Variants in DZIP1 observed in about 807,000 individuals in gnomAD.
DZIP1 encodes the protein DAZ interacting zinc finger protein 1, also known as cilium assembly protein DZIP1.
DZIP1 carries 97 observed loss-of-function variants against 107.6 expected under a neutral mutation model. That is an observed-to-expected ratio of 0.90 (90% CI 0.77 to 1.07). The LOEUF is 1.07. DZIP1 is among the 50% of genes least tolerant of loss of function. The pLI, the probability that DZIP1 is intolerant of heterozygous loss-of-function variation, is 0.00. For missense variants in DZIP1, 1,035 were observed against 1,063.6 expected (o/e 0.97, Z 0.37); for synonymous variants, 390 against 386.4 (o/e 1.01, Z -0.11).
chr13:95,609,644 G>A (rs932203312), intron 12 of DZIP1, 131 bp from the exon 13 acceptor site: 3 of 485,292 alleles, frequency 6.2e-6, no homozygotes, highest in African/African-American at 4.0e-5. Context: ...ACATCACCAG[G>A]AGAATAAATA....
At chr13:95,609,785 A>G (rs1267792055) in intron 12 of DZIP1, among the ~76,000 whole-genome samples, 1 of 152,168 alleles carries the variant, frequency 6.6e-6, no homozygotes, top group Non-Finnish European at 1.5e-5. Flanking sequence ...GAGGAGTTAA[A>G]GGGAACAACA....
rs145259138 is a variant in DZIP1, at chr13:95,589,842, C to T, written c.1934G>A (p.Arg645Lys). Residue 645 changes from arginine to lysine, a missense_variant, in exon 18 of 23, where the codon AGA becomes AAA. Physicochemically the swap from Arg to Lys is conservative, Grantham distance 26 (BLOSUM62 2). Transcript: ENST00000376829. ...CCTATCAGTAGAAACAGCTTTTTGT[C>T]TAATCAGTTGTCTGTTTTTGGAAGG... is the stretch of plus-strand genomic sequence containing the variant. ...QLPSKNRQLI[R>K]QKAVSTDRTS... 1 of 1,613,998 alleles carries T rather than the reference C, an allele frequency of 6.2e-7. No individual in the cohort carries two copies. The highest frequency in any genetic ancestry group is 1.3e-5 in the African/African-American group (1 of 75,032).
chr13:95,643,850 C>T (rs1396882664), intron 1 of DZIP1, among the ~76,000 whole-genome samples, 152 bp from the exon 2 acceptor site: 1 of 152,232 alleles, frequency 6.6e-6, no homozygotes, highest in East Asian at 1.9e-4. Context: ...CCTGTTAGAA[C>T]GATTAACCCA....
At chr13:95,597,285 T>G (rs1167367230) in intron 15 of DZIP1, among the ~76,000 whole-genome samples, 2 of 72,172 alleles carry the variant, frequency 2.8e-5, no homozygotes, top group African/African-American at 1.2e-4. Flanking sequence ...GTGAACTACA[T>G]GACCTGAAGT....
chr13:95,641,497 A>G lies in DZIP1; in HGVS notation c.395T>C (p.Leu132Pro), dbSNP rs1353235165. ...RLAQFTIEYL[L>P]HSQEFLTSQL... The stretch of plus-strand genomic sequence containing the variant: ...CGAGGTGAGGAACTCTTGTGAGTGC[A>G]GCAAGTACTCGATGGTGAACTGCGC... Residue 132 changes from leucine to proline, a missense_variant, in exon 5 of 23, where the codon CTG (leucine) becomes CCG (proline). Coordinates refer to ENST00000376829, the MANE Select transcript of DZIP1 (RefSeq NM_198968.4). This position sits in a 1 kb window ranked among gnomAD's most constrained non-coding sequence, Gnocchi z 4.3. 19 of 1,613,978 alleles carry G rather than the reference A, an allele frequency of 1.2e-5. No homozygotes were observed. The highest frequency in any genetic ancestry group is 1.5e-5 in the Non-Finnish European group (18 of 1,180,024).
chr13:95,633,713 T>C, intron 5 of DZIP1, among the ~76,000 whole-genome samples: 1 of 147,754 alleles, frequency 6.8e-6, no homozygotes, highest in Admixed American at 6.7e-5. Context: ...TTCAGGTACC[T>C]GAAGCACTAC....
At chr13:95,588,026 T>A (rs1194679719) in intron 19 of DZIP1, 1 of 243,406 alleles carries the variant, frequency 4.1e-6, no homozygotes, top group Admixed American at 5.4e-5. Flanking sequence ...ATTTTGGTTT[T>A]CACACACCTA....
intron 6 of DZIP1, among the ~76,000 whole-genome samples, chr13:95,632,187 C>A (rs1404948701): frequency 6.6e-6 from 1 of 152,098 alleles, no homozygotes; most frequent in Non-Finnish European, 1.5e-5. Context: ...CAGCTCTACT[C>A]CAGTGATTCC....
chr13:95,619,006 T>C (rs1875486114), intron 10 of DZIP1, among the ~76,000 whole-genome samples: 1 of 152,234 alleles, frequency 6.6e-6, no homozygotes, highest in East Asian at 1.9e-4. Context: ...TAATTAAAGT[T>C]TGTTTTCATT....
At chr13:95,610,584 A>T (rs1201961488) in intron 12 of DZIP1, among the ~76,000 whole-genome samples, 5 of 152,158 alleles carry the variant, frequency 3.3e-5, no homozygotes, top group African/African-American at 9.7e-5. Flanking sequence ...CGGGCATTAC[A>T]AATGTGAGCA....
chr13:95,609,575 G>GC (rs1481513965), intron 12 of DZIP1, 62 bp from the exon 13 acceptor site: 2 of 1,266,118 alleles, frequency 1.6e-6, no homozygotes, highest in African/African-American at 1.5e-5. Context: ...AATTTTTGTA[G>GC]CCCTTATACT....
chr13:95,612,974 C>T (rs143825820), intron 10 of DZIP1, among the ~76,000 whole-genome samples: 270 of 150,848 alleles, frequency 1.8e-3, no homozygotes, highest in African/African-American at 5.7e-3. Flanking sequence ...AGATGTTTAC[C>T]GAGAAAAAGA....
chr13:95,606,626 A>G (rs1310458100), intron 13 of DZIP1, among the ~76,000 whole-genome samples: 1 of 152,176 alleles, frequency 6.6e-6, no homozygotes, highest in Non-Finnish European at 1.5e-5. Flanking sequence ...ACCACATTTT[A>G]TTTACCTTTT....
chr13:95,603,220 T>C (rs1021721972), intron 14 of DZIP1, among the ~76,000 whole-genome samples: 3 of 135,936 alleles, frequency 2.2e-5, no homozygotes, highest in African/African-American at 8.4e-5. Flanking sequence ...CGTGGGAGGA[T>C]CACTTGAGCC....
chr13:95,586,025 TC>T lies in DZIP1; in HGVS notation c.2329del (p.Glu777LysfsTer6). On this transcript the variant is annotated frameshift_variant, in exon 21 of 23. Coordinates refer to ENST00000376829, the MANE Select transcript of DZIP1 (RefSeq NM_198968.4). LOFTEE classifies it high-confidence loss of function. ...TTTCACCTTTAGTTCTTGTAATTCT[TC>T]TTTTTTGATAAACATCTCAGGGACA... ...TNVPEMFIKK[E>X]ELQELKCADV... The T allele has an allele frequency of 6.2e-7, 1 of 1,601,948 alleles. No individual in the cohort carries two copies. Among genetic ancestry groups the T allele is most frequent in the Non-Finnish European group, 8.5e-7 (1 of 1,176,686 alleles).
intron 11 of DZIP1, 123 bp downstream of exon 11, chr13:95,611,914 G>T: frequency 8.0e-7 from 1 of 1,254,828 alleles, no homozygotes; most frequent in Non-Finnish European, 1.1e-6. Flanking sequence ...GCAATCACAA[G>T]GGGAAAAATA....
chr13:95,605,029 A>T (rs2044731099), intron 14 of DZIP1, among the ~76,000 whole-genome samples: 1 of 152,226 alleles, frequency 6.6e-6, no homozygotes, highest in African/African-American at 2.4e-5. Context: ...ACGTATTGTG[A>T]TCACATACTC....
Position 95,640,187 on chromosome 13 carries a change from TTCACCATGTTAGCCAGGATGGTC to T in DZIP1, c.597+1085_597+1107del, listed in dbSNP as rs1566438337. 3.3e-5 allele frequency among the ~76,000 whole-genome samples: 5 copies of T among 152,014 alleles called. No individual in the cohort carries two copies. The South Asian group carries it at 1.0e-3, about 32-fold the overall frequency. On this transcript the variant is annotated intron_variant, in intron 5 of 22. Coordinates refer to ENST00000376829, the MANE Select transcript of DZIP1 (RefSeq NM_198968.4). ...TTGGTATTTTTAGTAGACACGGGGT[TTCACCATGTTAGCCAGGATGGTC>T]TCGGGTCTCAATCTCCTGACCTCGT... is the stretch of plus-strand genomic sequence containing the variant.
intron 10 of DZIP1, 115 bp downstream of exon 10, chr13:95,619,770 C>T (rs1180324440): frequency 2.1e-6 from 2 of 956,538 alleles, no homozygotes; most frequent in Non-Finnish European, 3.1e-6. Context: ...TTTAATTTTG[C>T]TACACATTTC....
Sources: gnomAD v4.1 joint callset for allele counts (sites outside exome capture counted in the v4.1 genomes callset) on GRCh38, gnomAD v4.1.1 for gene constraint, Gnocchi (gnomAD v3.1) non-coding constraint, MANE v1.5 for transcripts, NCBI Gene and HGNC (gene_info 2026-07-23, HGNC 2026-07-21) for gene names.